FUT8: variants seen among roughly 807,000 people sequenced by gnomAD.
FUT8 encodes the protein alpha-(1,6)-fucosyltransferase.
Under a neutral mutation model 71.3 loss-of-function variants are expected in FUT8, and 29 were observed. The ratio of observed to expected loss-of-function variants is 0.41; its 90% CI spans 0.30 to 0.55. The LOEUF is 0.55. FUT8 is among the 20% of genes least tolerant of loss of function. The probability of loss-of-function intolerance (pLI) is 0.34; values close to 1 mark genes in which losing one functional copy is unlikely to be tolerated. For synonymous variants in FUT8, 254 were observed against 239.3 expected (o/e 1.06, Z -0.57); for missense variants, 544 against 702.1 (o/e 0.77, Z 2.55).
intron 2 of FUT8, among the ~76,000 whole-genome samples, chr14:65,470,301 C>G (rs1230436483): frequency 6.6e-6 from 1 of 152,212 alleles, no homozygotes; most frequent in Non-Finnish European, 1.5e-5. Context: ...CACACGGAGG[C>G]CTGGGTCCAC....
At chr14:65,416,115 A>G (rs1304718782) in intron 1 of FUT8, among the ~76,000 whole-genome samples, 1 of 152,216 alleles carries the variant, frequency 6.6e-6, no homozygotes, top group Non-Finnish European at 1.5e-5. Context: ...TTGATTTATG[A>G]TAAACTGCAT....
intron 7 of FUT8, among the ~76,000 whole-genome samples, chr14:65,696,932 G>T (rs1894025930): frequency 6.6e-6 from 1 of 151,984 alleles, no homozygotes; most frequent in African/African-American, 2.4e-5. Flanking sequence ...CTCTCTGCCT[G>T]CATTACTCAT....
chr14:65,633,691 G>A (rs886091549), intron 6 of FUT8, among the ~76,000 whole-genome samples: 10 of 149,108 alleles, frequency 6.7e-5, no homozygotes, highest in South Asian at 4.4e-4. Context: ...GGGAGGTGAG[G>A]AGCGTCTCTG....
At chr14:65,468,140 G>A (rs966546430) in intron 2 of FUT8, 1 of 637,822 alleles carries the variant, frequency 1.6e-6, no homozygotes. Context: ...ACAGCATGTT[G>A]GGTAACACTG....
chr14:65,628,947 G>C (rs1890032498), intron 5 of FUT8, among the ~76,000 whole-genome samples: 1 of 152,190 alleles, frequency 6.6e-6, no homozygotes, highest in South Asian at 2.1e-4. Flanking sequence ...AAGGATCTTA[G>C]AGATCTGTAG....
At chr14:65,516,777 A>G (rs1469912578) in intron 2 of FUT8, among the ~76,000 whole-genome samples, 1 of 152,010 alleles carries the variant, frequency 6.6e-6, no homozygotes, top group East Asian at 1.9e-4. Context: ...ATCATTTTTA[A>G]GTATACAGTT....
chr14:65,687,210 T>C (rs762736729), intron 7 of FUT8, among the ~76,000 whole-genome samples: 1 of 152,232 alleles, frequency 6.6e-6, no homozygotes, highest in Non-Finnish European at 1.5e-5. Context: ...TTTCCCATCC[T>C]TAATAATTTT....
the FUT8 span, among the ~76,000 whole-genome samples, chr14:65,376,370 TA>T: frequency 6.6e-6 from 1 of 152,184 alleles, no homozygotes; most frequent in Non-Finnish European, 1.5e-5. Flanking sequence ...GTGGTGGTGG[TA>T]GAAGCAAGAA....
rs538595506 is a variant in FUT8 at position 65,421,219 on chromosome 14, A to G, written c.-326+8005A>G. Among the ~76,000 whole-genome samples the G allele has an allele frequency of 3.3e-3, 489 of 149,608 alleles. 2 individuals carry two copies. Among genetic ancestry groups the G allele is most frequent in the African/African-American group, 0.011 (465 of 40,676 alleles). The stretch of plus-strand genomic sequence containing the variant: ...GAAAAAAAAAAAAAAAAAAAAAATC[A>G]TAAGGAAGAGAGAATATATTTACTC... On this transcript the variant is annotated intron_variant, in intron 1 of 10. Transcript: ENST00000673929.
chr14:65,615,026 T>A (rs1889209295), intron 3 of FUT8, among the ~76,000 whole-genome samples: 1 of 152,224 alleles, frequency 6.6e-6, no homozygotes, highest in South Asian at 2.1e-4. Context: ...CTGTTCTGTG[T>A]TCCAGCTTTT....
chr14:65,608,398 A>C (rs1888699584), intron 3 of FUT8, among the ~76,000 whole-genome samples: 1 of 151,908 alleles, frequency 6.6e-6, no homozygotes, highest in African/African-American at 2.4e-5. Flanking sequence ...TGAATTATTA[A>C]GTGCATTTTT....
chr14:65,650,490 A>AG (rs1174956290), intron 6 of FUT8, among the ~76,000 whole-genome samples: 1 of 151,568 alleles, frequency 6.6e-6, no homozygotes, highest in African/African-American at 2.4e-5. Context: ...CAAGAGAGAG[A>AG]GCAGGGAGGT....
At chr14:65,663,878 A>G (rs1336855991) in intron 6 of FUT8, among the ~76,000 whole-genome samples, 1 of 152,142 alleles carries the variant, frequency 6.6e-6, no homozygotes, top group Admixed American at 6.5e-5. Context: ...TTAAATGCAG[A>G]TGTGAGTCTT....
intron 2 of FUT8, among the ~76,000 whole-genome samples, chr14:65,504,824 G>A (rs1449436635): frequency 6.6e-6 from 1 of 152,148 alleles, no homozygotes; most frequent in Non-Finnish European, 1.5e-5. Context: ...ACAGTGCTGG[G>A]ATTATAGGTG....
intron 2 of FUT8, among the ~76,000 whole-genome samples, chr14:65,487,651 T>G (rs1289152493): frequency 6.6e-6 from 1 of 151,214 alleles, no homozygotes; most frequent in Non-Finnish European, 1.5e-5. Context: ...TCTTCTTGTC[T>G]CCCCCAGTTC....
At chr14:65,650,707 C>CAAAAA (rs57971519) in intron 6 of FUT8, among the ~76,000 whole-genome samples, 90 of 118,874 alleles carry the variant, frequency 7.6e-4, no homozygotes, top group African/African-American at 2.2e-3. Context: ...CTGCTAATTA[C>CAAAAA]AAAAAAAAAA....
chr14:65,361,003 G>A, the FUT8 span, among the ~76,000 whole-genome samples: 1 of 152,122 alleles, frequency 6.6e-6, no homozygotes, highest in Admixed American at 6.6e-5. Context: ...AAGAACTTTG[G>A]AAACTTTCAA....
the FUT8 span, among the ~76,000 whole-genome samples, chr14:65,381,223 T>A: frequency 1.3e-5 from 2 of 152,212 alleles, no homozygotes; most frequent in African/African-American, 4.8e-5. Context: ...AATAATAGGC[T>A]TTTTCTCTTT....
At chr14:65,432,736 A>G (rs2002692) in intron 1 of FUT8, among the ~76,000 whole-genome samples, 53,467 of 152,000 alleles carry the variant, frequency 0.35, 11,635 homozygotes, top group Non-Finnish European at 0.49. Context: ...CATCCTCACT[A>G]CTACACTTCC....
Sources: gnomAD v4.1 joint callset for allele counts (sites outside exome capture counted in the v4.1 genomes callset) on GRCh38, gnomAD v4.1.1 for gene constraint, MANE v1.5 for transcripts, NCBI Gene and HGNC (gene_info 2026-07-23, HGNC 2026-07-21) for gene names.